Variants in BMP2K observed in about 807,000 individuals in gnomAD.
BMP2K encodes BMP2 inducible kinase, also known as BMP-2-inducible protein kinase.
A neutral mutation model predicts 116.0 loss-of-function variants in BMP2K; 74 were observed. The observed-to-expected ratio is 0.64, with a 90% CI of 0.53 to 0.77. The LOEUF (loss-of-function observed/expected upper bound fraction) is 0.77, where lower values mean the gene tolerates loss of function less well. BMP2K is among the 30% of genes least tolerant of loss of function. The pLI, the probability that BMP2K is intolerant of heterozygous loss-of-function variation, is 0.00. For synonymous variants in BMP2K, 486 were observed against 502.5 expected, an observed-to-expected ratio of 0.97 and a Z score of 0.44; for missense variants, 1,365 against 1,403.6, an observed-to-expected ratio of 0.97 and a Z score of 0.44.
At chr4:78,879,654 CA>C (rs1186765310) in intron 14 of BMP2K, 1 of 153,976 alleles carries the variant, frequency 6.5e-6, no homozygotes, top group Non-Finnish European at 1.4e-5. Flanking sequence ...TGTGCACGCG[CA>C]TGTGTGTGCA....
At chr4:78,810,517 G>GT (rs1729035563) in intron 1 of BMP2K, among the ~76,000 whole-genome samples, 1 of 152,204 alleles carries the variant, frequency 6.6e-6, no homozygotes, top group South Asian at 2.1e-4. Flanking sequence ...AGATGCCCTG[G>GT]TGATAGGGCT....
chr4:78,807,771 C>G (rs539281564), intron 1 of BMP2K, among the ~76,000 whole-genome samples: 22 of 150,910 alleles, frequency 1.5e-4, no homozygotes, highest in African/African-American at 5.3e-4. Context: ...AGTAATATCC[C>G]CTTTTATATC....
At chr4:78,868,793 T>C (rs1268363925) in intron 10 of BMP2K, among the ~76,000 whole-genome samples, 2 of 152,206 alleles carry the variant, frequency 1.3e-5, no homozygotes, top group African/African-American at 2.4e-5. Context: ...ACTCCAGGTC[T>C]CACATCCAGG....
rs765768439 is a variant in BMP2K at position 78,842,507 on chromosome 4, A to G, written c.526A>G (p.Ile176Val). 2.8e-5 allele frequency: 44 copies of G among 1,584,108 alleles called. No homozygotes were observed. The highest frequency in any genetic ancestry group is 3.4e-5 in the South Asian group (3 of 87,662). The change falls in exon 4 of 16, where the codon ATA becomes GTA. Residue 176 changes from isoleucine (I) to valine (V), a missense_variant. Around this residue, in one of 3 missense-constraint regions of BMP2K, gnomAD observed 762 missense variants for 756.7 expected, o/e 1.01. Transcript: ENST00000502613. ...VARLHQCKTP[I>V]IHRDLKVENI... ...AAGGTTGCATCAGTGTAAGACTCCA[A>G]TAATTCACCGGGATCTGAAGGTAAG...
intron 14 of BMP2K, among the ~76,000 whole-genome samples, chr4:78,882,549 A>T (rs1004954352): frequency 1.8e-4 from 28 of 151,808 alleles, no homozygotes; most frequent in Non-Finnish European, 3.5e-4. Context: ...ATTTAATATG[A>T]CAATTTAAAA....
At chr4:78,812,471 C>T (rs574021862) in intron 1 of BMP2K, among the ~76,000 whole-genome samples, 1 of 152,266 alleles carries the variant, frequency 6.6e-6, no homozygotes, top group African/African-American at 2.4e-5. Context: ...CAGTAGGCAT[C>T]TCTAACTTGG....
At position 78,879,504 on chromosome 4, in the gene BMP2K, C is replaced by T. The variant is rs368662921; in HGVS notation, c.1951+613C>T. ...GAACTACCTAATATATGTCAAGCTT[C>T]GCCACACATATTTTAGAAATGTCCT... On this transcript the variant is annotated intron_variant, in intron 14 of 15. Transcript: ENST00000502613. The T allele has an allele frequency of 3.1e-4, 264 of 838,476 alleles. 5 individuals are homozygous for T. The South Asian group carries it at 0.013, about 40-fold the overall frequency. 51.9% of individuals were successfully genotyped at this position (838,476 alleles called of 1,614,324 possible). A position where few individuals can be genotyped will look rare whatever the true frequency, so the allele number is the denominator to read the frequency against.
At chr4:78,849,785 T>A (rs566114379) in intron 6 of BMP2K, among the ~76,000 whole-genome samples, 47 of 151,808 alleles carry the variant, frequency 3.1e-4, no homozygotes, top group African/African-American at 1.1e-3. Context: ...ATTTTGAAAT[T>A]TTTAGAGCTT....
chr4:78,894,345 T>G (rs1327486701), intron 15 of BMP2K, among the ~76,000 whole-genome samples: 1 of 152,226 alleles, frequency 6.6e-6, no homozygotes, highest in Admixed American at 6.5e-5. Context: ...ATTGAAAATC[T>G]GTTGTTTAGT....
chr4:78,861,500 A>G (rs764295707), intron 9 of BMP2K, 32 bp downstream of exon 9: 3 of 1,524,026 alleles, frequency 2.0e-6, no homozygotes, highest in East Asian at 2.3e-5. Context: ...TTGAAAAGGC[A>G]TTAAAAAAAA....
intron 14 of BMP2K, among the ~76,000 whole-genome samples, chr4:78,885,512 C>T (rs1411024429): frequency 1.3e-5 from 2 of 152,124 alleles, no homozygotes; most frequent in Non-Finnish European, 2.9e-5. Context: ...AGAAGAGATG[C>T]TGCTTGAACT....
chr4:78,859,394 G>T, intron 7 of BMP2K, 190 bp from the exon 8 acceptor site: 12 of 424,156 alleles, frequency 2.8e-5, no homozygotes, highest in South Asian at 2.7e-4. Flanking sequence ...TCTACCCTTA[G>T]CTTGGGATAA....
intron 3 of BMP2K, among the ~76,000 whole-genome samples, chr4:78,837,906 G>A (rs373446650): frequency 1.3e-5 from 2 of 152,190 alleles, no homozygotes; most frequent in East Asian, 3.8e-4. Context: ...GCCTCCCAAA[G>A]TGTTGCGATT....
chr4:78,828,540 C>T (rs1273328630), intron 2 of BMP2K, among the ~76,000 whole-genome samples: 5 of 152,036 alleles, frequency 3.3e-5, no homozygotes, highest in Admixed American at 1.3e-4. Context: ...AGGTGGGCAA[C>T]GATTAGAGTC....
chr4:78,825,919 G>T lies in BMP2K; in HGVS notation c.179-118G>T, dbSNP rs1277983918. 6.6e-6 allele frequency: 5 copies of T among 758,584 alleles called. No individual in the cohort carries two copies. In the Admixed American group the frequency reaches 1.4e-4, roughly 21 times the overall value. The allele number at this position is 758,584 out of a possible 1,614,324, so 47.0% of individuals were successfully genotyped here. The stretch of plus-strand genomic sequence containing the variant: ...AATCTACTAGTAGCTTATTGCACTT[G>T]TTTTTGTCTTGGGTACAATCATTGT... On this transcript the variant is annotated intron_variant, in intron 1 of 15. Coordinates refer to ENST00000502613, the MANE Select transcript of BMP2K (RefSeq NM_198892.2).
intron 8 of BMP2K, among the ~76,000 whole-genome samples, chr4:78,860,973 G>GA (rs769437893): frequency 6.6e-6 from 1 of 151,574 alleles, no homozygotes; most frequent in African/African-American, 2.4e-5. Context: ...CATTTTCCAG[G>GA]CCTTACATTC....
At chr4:78,875,242 T>C (rs1316861769) in intron 13 of BMP2K, among the ~76,000 whole-genome samples, 1 of 152,226 alleles carries the variant, frequency 6.6e-6, no homozygotes, top group Admixed American at 6.5e-5. Flanking sequence ...ACAAAGTCAG[T>C]GGAAGAAGAG....
intron 1 of BMP2K, among the ~76,000 whole-genome samples, chr4:78,824,369 G>A (rs1463385611): frequency 1.3e-5 from 2 of 152,186 alleles, no homozygotes; most frequent in Non-Finnish European, 2.9e-5. Flanking sequence ...TGTGGCTGGG[G>A]AGGCCTCACA....
At chr4:78,809,739 G>A (rs1255866483) in intron 1 of BMP2K, among the ~76,000 whole-genome samples, 2 of 150,678 alleles carry the variant, frequency 1.3e-5, no homozygotes, top group African/African-American at 4.9e-5. Flanking sequence ...TCTCTACTTG[G>A]TGAGCCATCA....
Sources: allele counts gnomAD v4.1 joint callset (sites outside exome capture counted in the v4.1 genomes callset), GRCh38; gene constraint gnomAD v4.1.1; regional missense constraint gnomAD v4.1.1; transcripts MANE v1.5; gene names NCBI Gene and HGNC (gene_info 2026-07-23, HGNC 2026-07-21).